The following CLVS1 variants were observed in gnomAD, a reference collection of about 807,000 sequenced individuals.
CLVS1 encodes the protein clavesin-1.
Under a neutral mutation model 33.1 loss-of-function variants are expected in CLVS1, and 10 were observed. The observed-to-expected ratio is 0.30, with a 90% CI of 0.19 to 0.51. CLVS1 has a LOEUF of 0.51. Ranked by LOEUF, CLVS1 falls within the 20% of genes least tolerant of loss-of-function variation. The probability of loss-of-function intolerance (pLI) is 0.97; values close to 1 mark genes in which losing one functional copy is unlikely to be tolerated. For synonymous variants in CLVS1, 163 were observed against 166.1 expected, an observed-to-expected ratio of 0.98 and a Z score of 0.14; for missense variants, 343 against 433.4, an observed-to-expected ratio of 0.79 and a Z score of 1.85.
chr8:61,279,587 C>T lies in CLVS1; in HGVS notation c.-151-20090C>T, dbSNP rs183377078. Among the ~76,000 whole-genome samples the T allele has an allele frequency of 2.4e-4, 36 of 151,740 alleles. No homozygotes were observed. In the East Asian group the frequency reaches 4.7e-3, roughly 20 times the overall value. ...AGACATGATTTGTAGCATTCATTTGCCAAACCATAACTCCCCTCTGATGCC... is the reference window on the plus strand; with the variant it reads ...AGACATGATTTGTAGCATTCATTTGTCAAACCATAACTCCCCTCTGATGCC... On this transcript the variant is annotated intron_variant, in intron 2 of 2. Coordinates refer to the CLVS1 transcript ENST00000522621.
chr8:60,986,623 C>A, the CLVS1 span, among the ~76,000 whole-genome samples: 1 of 152,204 alleles, frequency 6.6e-6, no homozygotes, highest in Non-Finnish European at 1.5e-5. Context: ...ATTTATGTAA[C>A]CTTCTGATTT....
the CLVS1 span, among the ~76,000 whole-genome samples, chr8:61,050,462 A>T: frequency 0.021 from 3,211 of 152,314 alleles, 113 homozygotes; most frequent in African/African-American, 0.074. Flanking sequence ...GACATTAAAC[A>T]TCACCAATGA....
At chr8:61,273,677 G>A (rs934574883) in intron 2 of CLVS1, among the ~76,000 whole-genome samples, 1 of 152,220 alleles carries the variant, frequency 6.6e-6, no homozygotes, top group African/African-American at 2.4e-5. Flanking sequence ...AGCCAGGTGT[G>A]GGATATAATC....
At chr8:61,129,977 C>A (rs1293234113) in intron 1 of CLVS1, among the ~76,000 whole-genome samples, 4 of 152,146 alleles carry the variant, frequency 2.6e-5, no homozygotes, top group Admixed American at 1.3e-4. Context: ...GTGGCTCATG[C>A]CTGTAATCCC....
chr8:61,167,969 G>A (rs1054302591), intron 2 of CLVS1, among the ~76,000 whole-genome samples: 1 of 152,096 alleles, frequency 6.6e-6, no homozygotes, highest in East Asian at 1.9e-4. Context: ...GGCAACCAGC[G>A]GCCCCCAGGG....
At chr8:61,006,615 G>A in the CLVS1 span, among the ~76,000 whole-genome samples, 4 of 152,200 alleles carry the variant, frequency 2.6e-5, no homozygotes, top group East Asian at 1.9e-4. Context: ...AAATGCTAAC[G>A]TGCAATGTGC....
rs148826748 is a variant in CLVS1 at position 61,159,218 on chromosome 8, C to T, written c.-152+27358C>T. Among the ~76,000 whole-genome samples, 224 of 152,294 alleles carry T rather than the reference C, an allele frequency of 1.5e-3. 1 individual carries two copies. In the East Asian group the frequency reaches 0.016, roughly 11 times the overall value. ...GTTCCTTGGTTGTGCTTACAAGTGA[C>T]ATTGTTGGGCAGAACCACATGTTTA... On this transcript the variant is annotated intron_variant, in intron 2 of 2. Transcript: ENST00000522621.
At chr8:61,249,074 C>T (rs931850244) in intron 2 of CLVS1, among the ~76,000 whole-genome samples, 2 of 152,090 alleles carry the variant, frequency 1.3e-5, no homozygotes, top group African/African-American at 2.4e-5. Flanking sequence ...AGTCCCCCAC[C>T]CCCTGACAGG....
the CLVS1 span, among the ~76,000 whole-genome samples, chr8:61,033,990 C>T: frequency 1.3e-5 from 2 of 152,204 alleles, no homozygotes; most frequent in African/African-American, 2.4e-5. Context: ...AGCATTGGCT[C>T]TGCCAGATCT....
rs113220162 is a variant in CLVS1, at chr8:61,182,641, G to A, written c.-152+50781G>A. On this transcript the variant is annotated intron_variant, in intron 2 of 2. Coordinates refer to the CLVS1 transcript ENST00000522621. ...AAACCCCAGCGAGATACCGTCTCAC[G>A]TCAGTCACAATGACGATTATTAAAA... Among the ~76,000 whole-genome samples the A allele has an allele frequency of 8.5e-3, 1,299 of 152,266 alleles. 28 individuals are homozygous for A. The highest frequency in any genetic ancestry group is 0.029 in the African/African-American group (1,200 of 41,532).
chr8:61,338,992 G>GTGTA (rs1554560963), intron 2 of CLVS1, among the ~76,000 whole-genome samples: 1 of 141,054 alleles, frequency 7.1e-6, no homozygotes, highest in Non-Finnish European at 1.6e-5. Context: ...GTGTGTGTGT[G>GTGTA]TATGCATGTG....
intron 3 of CLVS1, among the ~76,000 whole-genome samples, chr8:61,416,241 G>A (rs1285423560): frequency 1.3e-5 from 2 of 151,756 alleles, no homozygotes; most frequent in East Asian, 3.9e-4. Flanking sequence ...TTTTTCCCTA[G>A]ATTTCAACAA....
chr8:61,161,056 G>T (rs1301694201), intron 2 of CLVS1, among the ~76,000 whole-genome samples: 1 of 152,052 alleles, frequency 6.6e-6, no homozygotes, highest in Non-Finnish European at 1.5e-5. Flanking sequence ...ATAAATAAAT[G>T]GCAAACAGGT....
At chr8:61,195,482 T>C (rs1227302673) in intron 2 of CLVS1, among the ~76,000 whole-genome samples, 1 of 152,024 alleles carries the variant, frequency 6.6e-6, no homozygotes, top group Non-Finnish European at 1.5e-5. Context: ...GGTGCTTGCT[T>C]AGTTTGTAGT....
At chr8:61,157,065 C>T (rs934319688) in intron 2 of CLVS1, among the ~76,000 whole-genome samples, 1 of 152,270 alleles carries the variant, frequency 6.6e-6, no homozygotes, top group South Asian at 2.1e-4. Flanking sequence ...AATGTATTTC[C>T]TTAGGTTTTC....
At chr8:61,250,173 G>A (rs1808904450) in intron 2 of CLVS1, among the ~76,000 whole-genome samples, 1 of 152,126 alleles carries the variant, frequency 6.6e-6, no homozygotes, top group African/African-American at 2.4e-5. Flanking sequence ...ATTCAATAGG[G>A]AATCTTTTCC....
intron 2 of CLVS1, among the ~76,000 whole-genome samples, chr8:61,345,256 T>C (rs1812170641): frequency 6.6e-6 from 1 of 152,200 alleles, no homozygotes; most frequent in South Asian, 2.1e-4. Flanking sequence ...CATTTTCCTT[T>C]ATTATAATCT....
intron 1 of CLVS1, among the ~76,000 whole-genome samples, chr8:61,061,224 A>G (rs1013252010): frequency 6.6e-6 from 1 of 152,164 alleles, no homozygotes; most frequent in Non-Finnish European, 1.5e-5. Context: ...CACAAGCTGA[A>G]GTCACGGTTT....
intron 2 of CLVS1, chr8:61,264,840 T>C (rs1478166740): frequency 2.0e-5 from 3 of 152,164 alleles, no homozygotes; most frequent in African/African-American, 4.8e-5. Context: ...TTGGTGGGAA[T>C]TGGGGTTTCT....
Sources: gnomAD v4.1 joint callset for allele counts (sites outside exome capture counted in the v4.1 genomes callset) on GRCh38, gnomAD v4.1.1 for gene constraint, MANE v1.5 for transcripts, NCBI Gene and HGNC (gene_info 2026-07-23, HGNC 2026-07-21) for gene names.